PLD5: variants seen among roughly 807,000 people sequenced by gnomAD.
PLD5 encodes phospholipase D family member 5.
In PLD5, 36 loss-of-function variants were observed where a neutral mutation model predicts 61.1. The ratio of observed to expected loss-of-function variants is 0.59; its 90% CI spans 0.45 to 0.78. The LOEUF is 0.78. PLD5 is among the 30% of genes least tolerant of loss of function. The pLI, the probability that PLD5 is intolerant of heterozygous loss-of-function variation, is 0.00. For missense variants in PLD5, 515 were observed against 644.4 expected (o/e 0.80, Z 2.17); for synonymous variants, 243 against 242.8 (o/e 1.00, Z -0.01).
chr1:242,479,094 A>C (rs1186069375), intron 1 of PLD5, among the ~76,000 whole-genome samples: 1 of 152,216 alleles, frequency 6.6e-6, no homozygotes, highest in Non-Finnish European at 1.5e-5. Flanking sequence ...CTGATGAATT[A>C]CTGTACCAGA....
At chr1:242,297,315 G>GC (rs1675722984) in intron 2 of PLD5, among the ~76,000 whole-genome samples, 1 of 122,380 alleles carries the variant, frequency 8.2e-6, no homozygotes, top group Non-Finnish European at 1.6e-5. Context: ...CTGCACTCCA[G>GC]CCCGGGTGAC....
intron 1 of PLD5, among the ~76,000 whole-genome samples, chr1:242,397,781 CTTCTTT>C (rs1337624481): frequency 2.1e-5 from 3 of 140,682 alleles, no homozygotes; most frequent in Non-Finnish European, 3.0e-5. Flanking sequence ...TCTTCTTCTT[CTTCTTT>C]TTTTTTTTTT....
intron 2 of PLD5, among the ~76,000 whole-genome samples, chr1:242,289,385 G>C (rs951303205): frequency 6.6e-6 from 1 of 152,066 alleles, no homozygotes; most frequent in African/African-American, 2.4e-5. Context: ...GTCTCGCTCT[G>C]TTGCCCAGGC....
At chr1:242,157,119 A>C (rs1665436551) in intron 5 of PLD5, among the ~76,000 whole-genome samples, 1 of 151,988 alleles carries the variant, frequency 6.6e-6, no homozygotes, top group South Asian at 2.1e-4. Flanking sequence ...TCAATCTCTG[A>C]TATCTTTACT....
At chr1:242,176,976 G>A (rs993308118) in intron 5 of PLD5, among the ~76,000 whole-genome samples, 2 of 152,160 alleles carry the variant, frequency 1.3e-5, no homozygotes, top group African/African-American at 4.8e-5. Flanking sequence ...CACTGTTGGT[G>A]GGAGTGTAAA....
chr1:242,174,793 A>G (rs316880), intron 5 of PLD5, among the ~76,000 whole-genome samples: 146,215 of 151,162 alleles, frequency 0.97, 70,735 homozygotes, highest in East Asian at 1. Context: ...GCAAACTATC[A>G]CAAGGACAAA....
At chr1:242,254,452 C>G (rs1436427928) in intron 4 of PLD5, among the ~76,000 whole-genome samples, 1 of 152,118 alleles carries the variant, frequency 6.6e-6, no homozygotes, top group Non-Finnish European at 1.5e-5. Flanking sequence ...GGCGGATCAC[C>G]TGAGATCAGG....
chr1:242,405,659 T>C (rs1371283392), intron 1 of PLD5, among the ~76,000 whole-genome samples: 4 of 151,818 alleles, frequency 2.6e-5, no homozygotes, highest in Non-Finnish European at 5.9e-5. Flanking sequence ...TGGAGTGCAA[T>C]GGCACAATCT....
rs1393306 is a variant in PLD5 at position 242,251,000 on chromosome 1, C to T, written c.607+14337G>A. ...TCAAGGTTAGCTCTAGGTTTCTTTGCGGGGCAAATAAAAAAATAGTCAGGT... is the reference window on the plus strand; with the variant it reads ...TCAAGGTTAGCTCTAGGTTTCTTTGTGGGGCAAATAAAAAAATAGTCAGGT... On this transcript the variant is annotated intron_variant, in intron 4 of 9. Transcript: ENST00000536534. 2.3e-4 allele frequency among the ~76,000 whole-genome samples: 35 copies of T among 152,066 alleles called. 1 individual carries two copies. In the East Asian group the frequency reaches 4.4e-3, roughly 19 times the overall value.
At chr1:242,216,788 C>A (rs974753275) in intron 5 of PLD5, among the ~76,000 whole-genome samples, 9 of 152,146 alleles carry the variant, frequency 5.9e-5, no homozygotes, top group African/African-American at 1.7e-4. Context: ...GGTCAGACCC[C>A]CACACACTTT....
At chr1:242,212,471 C>A (rs941125939) in intron 5 of PLD5, among the ~76,000 whole-genome samples, 6 of 152,174 alleles carry the variant, frequency 3.9e-5, no homozygotes, top group Non-Finnish European at 8.8e-5. Flanking sequence ...AGACCTGGAG[C>A]CAACAGATGC....
At chr1:242,168,047 C>T (rs946204567) in intron 5 of PLD5, among the ~76,000 whole-genome samples, 2 of 152,214 alleles carry the variant, frequency 1.3e-5, no homozygotes, top group African/African-American at 4.8e-5. Context: ...CCAGCATTTA[C>T]AAAAACAAAC....
At chr1:242,493,000 C>A (rs1668217402) in intron 1 of PLD5, among the ~76,000 whole-genome samples, 1 of 152,072 alleles carries the variant, frequency 6.6e-6, no homozygotes. Flanking sequence ...AACATTCAGT[C>A]CATAACACTA....
intron 2 of PLD5, among the ~76,000 whole-genome samples, chr1:242,343,546 G>A (rs1330517566): frequency 6.6e-6 from 1 of 150,652 alleles, no homozygotes; most frequent in African/African-American, 2.4e-5. Context: ...TTTCCTACTG[G>A]TCTGTGTCAG....
chr1:242,500,269 C>T (rs1200404881), intron 1 of PLD5, among the ~76,000 whole-genome samples: 1 of 152,146 alleles, frequency 6.6e-6, no homozygotes, highest in Non-Finnish European at 1.5e-5. Context: ...TAGGTGCATA[C>T]CAGCTTTTGG....
chr1:242,286,580 G>A (rs1470249457), intron 3 of PLD5, among the ~76,000 whole-genome samples: 1 of 152,070 alleles, frequency 6.6e-6, no homozygotes, highest in Non-Finnish European at 1.5e-5. Context: ...ATCTCCTAGT[G>A]ACTCCCCTAG....
chr1:242,260,610 G>A (rs1453211979), intron 4 of PLD5, among the ~76,000 whole-genome samples: 2 of 152,152 alleles, frequency 1.3e-5, no homozygotes, highest in Non-Finnish European at 2.9e-5. Flanking sequence ...CTGTATGAAA[G>A]CAATGGAAAG....
rs1669325755 is a variant in PLD5 at position 242,522,955 on chromosome 1, GATT to G, written c.189+1130_189+1132del. On this transcript the variant is annotated intron_variant, in intron 1 of 9. Coordinates refer to ENST00000536534, the MANE Select transcript of PLD5 (RefSeq NM_001372062.1). Reference sequence around the variant, plus strand: ...AAAGCAGGCACAGACCTTCCTTTCAGATTATTATAATAGAGAAATGCCCCTTCT... The same window carrying G: ...AAAGCAGGCACAGACCTTCCTTTCAGATTATAATAGAGAAATGCCCCTTCT... 1.3e-5 allele frequency among the ~76,000 whole-genome samples: 2 copies of G among 152,156 alleles called. 1 individual carries two copies. The highest frequency in any genetic ancestry group is 4.1e-4 in the South Asian group (2 of 4,828).
At chr1:242,203,715 A>C (rs1574507074) in intron 5 of PLD5, 1 of 152,376 alleles carries the variant, frequency 6.6e-6, no homozygotes, top group Admixed American at 6.5e-5. Flanking sequence ...AGATGCCAGC[A>C]CCACGCTTCC....
Sources: allele counts gnomAD v4.1 joint callset (sites outside exome capture counted in the v4.1 genomes callset), GRCh38; gene constraint gnomAD v4.1.1; transcripts MANE v1.5; gene names NCBI Gene and HGNC (gene_info 2026-07-23, HGNC 2026-07-21).